Variants in EDIL3 observed in about 807,000 individuals in gnomAD.
EDIL3 encodes the protein EGF-like repeat and discoidin I-like domain-containing protein 3.
Under a neutral mutation model 67.4 loss-of-function variants are expected in EDIL3, and 37 were observed. The observed-to-expected ratio is 0.55, with a 90% CI of 0.42 to 0.72. The LOEUF is 0.72. Ranked by LOEUF, EDIL3 falls within the 30% of genes least tolerant of loss-of-function variation. The pLI is 0.00. For synonymous variants in EDIL3, 195 were observed against 196.3 expected (o/e 0.99, Z 0.05); for missense variants, 527 against 586.3 (o/e 0.90, Z 1.04).
chr5:84,223,453 G>A (rs1012782486), intron 3 of EDIL3, among the ~76,000 whole-genome samples: 3 of 151,628 alleles, frequency 2.0e-5, no homozygotes, highest in Non-Finnish European at 4.4e-5. Context: ...TATAAAAGAA[G>A]GAGATTCTGT....
At chr5:84,171,300 T>A (rs897092742) in intron 4 of EDIL3, among the ~76,000 whole-genome samples, 1 of 152,228 alleles carries the variant, frequency 6.6e-6, no homozygotes, top group Non-Finnish European at 1.5e-5. Flanking sequence ...TTTATACATA[T>A]CTGAGTATCA....
chr5:84,049,318 T>C (rs377516393), intron 9 of EDIL3, among the ~76,000 whole-genome samples: 2 of 152,334 alleles, frequency 1.3e-5, no homozygotes, highest in African/African-American at 4.8e-5. Context: ...TTGATTAAAA[T>C]TGGTGGTGTC....
At chr5:83,947,599 G>T (rs1744336987) in intron 10 of EDIL3, among the ~76,000 whole-genome samples, 2 of 151,778 alleles carry the variant, frequency 1.3e-5, no homozygotes, top group Non-Finnish European at 2.9e-5. Context: ...AGAACTCAGA[G>T]ATCTGCTATC....
intron 9 of EDIL3, among the ~76,000 whole-genome samples, chr5:84,036,592 C>G (rs1339560692): frequency 6.6e-6 from 1 of 152,102 alleles, no homozygotes; most frequent in Non-Finnish European, 1.5e-5. Flanking sequence ...CCTCTGCCAA[C>G]AAACCTCAAG....
intron 6 of EDIL3, among the ~76,000 whole-genome samples, chr5:84,099,097 CAG>C (rs1747316119): frequency 6.6e-6 from 1 of 152,036 alleles, no homozygotes; most frequent in Admixed American, 6.6e-5. Context: ...AAGGAAATAA[CAG>C]AGGACACAAA....
chr5:84,249,768 A>AATTCTCAAG (rs1312939869), intron 2 of EDIL3, among the ~76,000 whole-genome samples: 3 of 152,144 alleles, frequency 2.0e-5, no homozygotes, highest in Non-Finnish European at 2.9e-5. Flanking sequence ...ACAATTTAAA[A>AATTCTCAAG]ATTCTCAAGA....
intron 3 of EDIL3, among the ~76,000 whole-genome samples, chr5:84,184,315 G>C (rs919529936): frequency 2.0e-4 from 31 of 152,190 alleles, no homozygotes; most frequent in Non-Finnish European, 1.5e-5. Flanking sequence ...GCGAAATAAA[G>C]GGAAGAGCTG....
intron 2 of EDIL3, among the ~76,000 whole-genome samples, chr5:84,250,430 C>T (rs1360445623): frequency 6.6e-6 from 1 of 152,194 alleles, no homozygotes; most frequent in Non-Finnish European, 1.5e-5. Flanking sequence ...AAAGTCAATT[C>T]TGCCAAACTA....
At chr5:84,303,056 T>A (rs368855482) in intron 1 of EDIL3, among the ~76,000 whole-genome samples, 115 of 152,338 alleles carry the variant, frequency 7.5e-4, no homozygotes, top group African/African-American at 2.7e-3. Context: ...AACATATCTT[T>A]GAGCCATTGG....
rs920648415 is a variant in EDIL3, at chr5:84,371,435, A to G, written c.67+12873T>C. On this transcript the variant is annotated intron_variant, in intron 1 of 10. Transcript: ENST00000296591. ...TATATGTGTATATATATGTGTGTGT[A>G]TATATATATATATATAGAGAGAGAG... is the stretch of plus-strand genomic sequence containing the variant. 6.6e-3 allele frequency among the ~76,000 whole-genome samples: 312 copies of G among 47,044 alleles called. 1 individual carries two copies. Among genetic ancestry groups the G allele is most frequent in the East Asian group, 0.034 (31 of 902 alleles). 30.9% of individuals were successfully genotyped at this position (47,044 alleles called of 152,430 possible). A position where few individuals can be genotyped will look rare whatever the true frequency, so the allele number is the denominator to read the frequency against.
intron 1 of EDIL3, among the ~76,000 whole-genome samples, chr5:84,286,842 G>A (rs1412992888): frequency 6.6e-6 from 1 of 152,164 alleles, no homozygotes; most frequent in African/African-American, 2.4e-5. Flanking sequence ...AAGGTTCCCA[G>A]TGGGGCAGCC....
intron 3 of EDIL3, among the ~76,000 whole-genome samples, chr5:84,188,069 AGAG>A (rs1045765811): frequency 1.6e-4 from 25 of 152,056 alleles, no homozygotes; most frequent in African/African-American, 5.3e-4. Flanking sequence ...ACCTGAAGAT[AGAG>A]ATTTCCCGCC....
intron 2 of EDIL3, among the ~76,000 whole-genome samples, chr5:84,240,261 G>A (rs1425192971): frequency 6.6e-6 from 1 of 152,178 alleles, no homozygotes; most frequent in Non-Finnish European, 1.5e-5. Flanking sequence ...GCCTGAGGTA[G>A]TACTTAAATG....
intron 5 of EDIL3, among the ~76,000 whole-genome samples, chr5:84,118,039 C>T (rs189268435): frequency 2.0e-5 from 3 of 152,134 alleles, no homozygotes; most frequent in East Asian, 1.9e-4. Context: ...ATGGATACAG[C>T]AGGATATAGT....
chr5:84,243,227 C>T (rs147656716), intron 2 of EDIL3, among the ~76,000 whole-genome samples: 166 of 152,324 alleles, frequency 1.1e-3, no homozygotes, highest in African/African-American at 3.8e-3. Context: ...GTGTTTATCA[C>T]CTGATGTCCT....
At position 83,943,321 on chromosome 5, in the gene EDIL3, A is replaced by AAC; in HGVS notation, c.*97_*98insGT. 1 of 1,535,562 alleles carries AAC rather than the reference A, an allele frequency of 6.5e-7. No individual in the cohort carries two copies. Among genetic ancestry groups the AAC allele is most frequent in the Non-Finnish European group, 8.8e-7 (1 of 1,140,066 alleles). ...TTTGAGCACTTTTTCATGAAAAAAAAAAAAAAACCATTCAGTTTCCTACAG... is the reference window on the plus strand; with the variant it reads ...TTTGAGCACTTTTTCATGAAAAAAAAACAAAAAAACCATTCAGTTTCCTACAG... On this transcript the variant is annotated 3_prime_UTR_variant, in exon 11 of 11. Coordinates refer to ENST00000296591, the MANE Select transcript of EDIL3 (RefSeq NM_005711.5).
chr5:84,244,693 A>G (rs2112063867), intron 2 of EDIL3, among the ~76,000 whole-genome samples: 1 of 152,280 alleles, frequency 6.6e-6, no homozygotes, highest in African/African-American at 2.4e-5. Context: ...AGGCTGTGTC[A>G]TTCATCCGTT....
At chr5:84,099,969 G>GA (rs1011461871) in intron 6 of EDIL3, among the ~76,000 whole-genome samples, 9 of 150,448 alleles carry the variant, frequency 6.0e-5, no homozygotes, top group Non-Finnish European at 1.0e-4. Flanking sequence ...AAAATCATAT[G>GA]AAAAAAAAAG....
At chr5:84,079,847 C>T (rs1746930556) in intron 6 of EDIL3, among the ~76,000 whole-genome samples, 1 of 152,008 alleles carries the variant, frequency 6.6e-6, no homozygotes, top group African/African-American at 2.4e-5. Flanking sequence ...CAGGGATTTG[C>T]AACTCCCCTG....
Sources: allele counts gnomAD v4.1 joint callset (sites outside exome capture counted in the v4.1 genomes callset), GRCh38; gene constraint gnomAD v4.1.1; transcripts MANE v1.5; gene names NCBI Gene and HGNC (gene_info 2026-07-23, HGNC 2026-07-21).